Variants in VIT observed in about 807,000 individuals in gnomAD.
The protein encoded by VIT is vitrin.
A neutral mutation model predicts 78.0 loss-of-function variants in VIT; 99 were observed. That is an observed-to-expected ratio of 1.27 (90% CI 1.08 to 1.50). The LOEUF (loss-of-function observed/expected upper bound fraction) is 1.50, where lower values mean the gene tolerates loss of function less well. Among genes scored for constraint, VIT ranks in the 40% most tolerant of loss-of-function variants. The pLI is 0.00. For missense variants in VIT, 1,126 were observed against 875.3 expected, an observed-to-expected ratio of 1.29 and a Z score of -3.61; for synonymous variants, 374 against 334.3, an observed-to-expected ratio of 1.12 and a Z score of -1.29.
chr2:36,765,331 AC>A (rs1382477470), intron 6 of VIT, among the ~76,000 whole-genome samples: 1 of 152,040 alleles, frequency 6.6e-6, no homozygotes, highest in East Asian at 1.9e-4. Context: ...TAGTTGACTC[AC>A]AGTTCCACAT....
At chr2:36,721,297 A>G (rs1049601133) in intron 2 of VIT, among the ~76,000 whole-genome samples, 1 of 152,160 alleles carries the variant, frequency 6.6e-6, no homozygotes, top group Non-Finnish European at 1.5e-5. Flanking sequence ...GCTGGGGGGA[A>G]TAATAAATCA....
intron 12 of VIT, among the ~76,000 whole-genome samples, chr2:36,797,396 T>C (rs966530217): frequency 3.3e-5 from 5 of 152,086 alleles, no homozygotes; most frequent in South Asian, 4.1e-4. Context: ...AAGCCCAAAC[T>C]TGGGGACGGA....
intron 9 of VIT, among the ~76,000 whole-genome samples, chr2:36,777,737 T>G (rs1670159260): frequency 6.6e-6 from 1 of 152,208 alleles, no homozygotes; most frequent in Non-Finnish European, 1.5e-5. Flanking sequence ...TATTAAATCC[T>G]TCCTTCGTTT....
At chr2:36,774,384 T>C (rs1669932757) in intron 8 of VIT, among the ~76,000 whole-genome samples, 1 of 152,158 alleles carries the variant, frequency 6.6e-6, no homozygotes, top group Non-Finnish European at 1.5e-5. Context: ...GCAGCACTGT[T>C]AAGGCCTGCA....
chr2:36,788,751 C>T (rs1334739049), intron 12 of VIT, among the ~76,000 whole-genome samples: 1 of 152,116 alleles, frequency 6.6e-6, no homozygotes, highest in African/African-American at 2.4e-5. Context: ...TACTGGGAGG[C>T]TCAAAGCTTG....
chr2:36,779,688 G>C (rs1664610081), intron 9 of VIT, among the ~76,000 whole-genome samples: 1 of 152,100 alleles, frequency 6.6e-6, no homozygotes, highest in African/African-American at 2.4e-5. Context: ...TCATCATTCA[G>C]CTCCCACTTG....
intron 3 of VIT, among the ~76,000 whole-genome samples, chr2:36,738,371 C>G (rs1667633840): frequency 6.6e-6 from 1 of 152,108 alleles, no homozygotes; most frequent in South Asian, 2.1e-4. Flanking sequence ...TAACTTGCCT[C>G]TCTGAAAAAT....
intron 6 of VIT, 149 bp from the exon 7 acceptor site, chr2:36,766,945 T>A: frequency 1.2e-6 from 1 of 809,528 alleles, no homozygotes; most frequent in Non-Finnish European, 1.7e-6. Context: ...CAGGCAAGAA[T>A]GTGGCTGTTA....
chr2:36,708,691 G>A (rs1468720708), intron 1 of VIT, among the ~76,000 whole-genome samples: 2 of 152,014 alleles, frequency 1.3e-5, no homozygotes, highest in East Asian at 3.9e-4. Flanking sequence ...GTCCTTTCCT[G>A]TTCACTCATT....
Position 36,808,802 on chromosome 2 carries a change from C to T in VIT, c.1720C>T (p.Leu574Phe), listed in dbSNP as rs2072525. 1 of 1,614,158 alleles carries T rather than the reference C, an allele frequency of 6.2e-7. No homozygotes were observed. The highest frequency in any genetic ancestry group is 8.5e-7 in the Non-Finnish European group (1 of 1,179,992). The change falls in exon 15 of 16, where the codon CTC becomes TTC. Residue 574 changes from leucine to phenylalanine, a missense_variant. Physicochemically the swap from Leu to Phe is conservative, Grantham distance 22. Coordinates refer to ENST00000379242, the MANE Select transcript of VIT (RefSeq NM_053276.4). ...CAAGTACAGCAGCAAGCCTGACATC[C>T]TCAACGCCATCAAGAGGGTGGGCTA... ...FDKYSSKPDILNAIKRVGYWS... is the reference protein window; with the variant it reads ...FDKYSSKPDIFNAIKRVGYWS...
intron 2 of VIT, among the ~76,000 whole-genome samples, chr2:36,728,020 C>T (rs892135935): frequency 6.6e-6 from 1 of 151,734 alleles, no homozygotes; most frequent in Non-Finnish European, 1.5e-5. Context: ...TTTCTGCCTC[C>T]TGGGTTCAAG....
intron 11 of VIT, among the ~76,000 whole-genome samples, chr2:36,785,066 C>A (rs1467972680): frequency 2.0e-5 from 3 of 152,194 alleles, no homozygotes; most frequent in Non-Finnish European, 2.9e-5. Context: ...TGTGAGGAAT[C>A]AAAATAGATG....
chr2:36,774,794 C>G, intron 8 of VIT: 1 of 985,392 alleles, frequency 1.0e-6, no homozygotes, highest in Non-Finnish European at 1.2e-6. Flanking sequence ...TCTACAGGAG[C>G]CCAATCCATG....
At chr2:36,752,270 G>T (rs190966417) in intron 4 of VIT, among the ~76,000 whole-genome samples, 7 of 152,260 alleles carry the variant, frequency 4.6e-5, no homozygotes, top group Admixed American at 4.6e-4. Flanking sequence ...CCCTGAGAAG[G>T]TGCAATGAAA....
chr2:36,701,236 A>T (rs1036100508), intron 1 of VIT, among the ~76,000 whole-genome samples: 1 of 152,088 alleles, frequency 6.6e-6, no homozygotes, highest in African/African-American at 2.4e-5. Context: ...TTCTTGGATA[A>T]TCTCCTTTTT....
At chr2:36,700,694 A>G (rs1158087648) in intron 1 of VIT, among the ~76,000 whole-genome samples, 1 of 152,152 alleles carries the variant, frequency 6.6e-6, no homozygotes, top group Non-Finnish European at 1.5e-5. Flanking sequence ...ATGAGCTATG[A>G]TCATGCACTC....
At chr2:36,708,522 GCCCT>G (rs551456876) in intron 1 of VIT, among the ~76,000 whole-genome samples, 74 of 152,174 alleles carry the variant, frequency 4.9e-4, no homozygotes, top group African/African-American at 1.7e-3. Flanking sequence ...TAATTTTTAA[GCCCT>G]CCATGTCTCC....
intron 11 of VIT, among the ~76,000 whole-genome samples, chr2:36,786,551 G>C (rs116374815): frequency 6.6e-6 from 1 of 152,114 alleles, no homozygotes; most frequent in African/African-American, 2.4e-5. Flanking sequence ...AAAAAATCTC[G>C]GATAGCTACG....
chr2:36,720,966 C>T (rs556149953), intron 2 of VIT, among the ~76,000 whole-genome samples: 209 of 151,660 alleles, frequency 1.4e-3, no homozygotes, highest in African/African-American at 4.8e-3. Context: ...GCTGAGATTG[C>T]GCCTTTACAC....
Sources: allele counts gnomAD v4.1 joint callset (sites outside exome capture counted in the v4.1 genomes callset), GRCh38; gene constraint gnomAD v4.1.1; transcripts MANE v1.5; gene names NCBI Gene and HGNC (gene_info 2026-07-23, HGNC 2026-07-21).